Variants in SCARB1 observed in about 807,000 individuals in gnomAD.
SCARB1 encodes the protein scavenger receptor class B member 1.
SCARB1 carries 30 observed loss-of-function variants against 57.2 expected under a neutral mutation model. That is an observed-to-expected ratio of 0.52 (90% CI 0.39 to 0.71). SCARB1 has a LOEUF of 0.71. Among genes scored for constraint, SCARB1 ranks in the 30% least tolerant of loss-of-function variants. The probability of loss-of-function intolerance (pLI) is 0.00; values close to 1 mark genes in which losing one functional copy is unlikely to be tolerated. For synonymous variants in SCARB1, 249 were observed against 268.3 expected, an observed-to-expected ratio of 0.93 and a Z score of 0.70; for missense variants, 543 against 671.2, an observed-to-expected ratio of 0.81 and a Z score of 2.11.
chr12:124,853,222 G>A (rs1167836746), intron 1 of SCARB1, among the ~76,000 whole-genome samples: 1 of 152,188 alleles, frequency 6.6e-6, no homozygotes, highest in African/African-American at 2.4e-5. Flanking sequence ...CCCTGAGGCA[G>A]GACAGCATGT....
chr12:124,810,039 AT>A lies in SCARB1; in HGVS notation c.842+134del. On this transcript the variant is annotated intron_variant, in intron 6 of 12. Coordinates refer to ENST00000261693, the MANE Select transcript of SCARB1 (RefSeq NM_005505.5). The surrounding 1 kb of genome is among the most constrained non-coding windows in gnomAD (Gnocchi z 4.0). The stretch of plus-strand genomic sequence containing the variant: ...GCTTTTGGTGGTGTGACCAAAGAGA[AT>A]TCAAGCTGGTGCCAAGGGCTACTGA... 2 of 689,272 alleles carry A rather than the reference AT, an allele frequency of 2.9e-6. No homozygotes were observed. The highest frequency in any genetic ancestry group is 5.3e-6 in the Non-Finnish European group (2 of 378,958). The allele number at this position is 689,272 out of a possible 1,614,324, so 42.7% of individuals were successfully genotyped here. A position where few individuals can be genotyped will look rare whatever the true frequency, so the allele number is the denominator to read the frequency against.
rs372960506 is a variant in SCARB1 at position 124,811,860 on chromosome 12, C to A, written c.726+10G>T. 10 of 1,602,820 alleles carry A rather than the reference C, an allele frequency of 6.2e-6. No homozygotes were observed. Among genetic ancestry groups the A allele is most frequent in the Non-Finnish European group, 8.5e-6 (10 of 1,173,170 alleles). ...CCTGGCGACAGGGGCCCTCGCCTCT[C>A]GCCCCTCACCTTGCTCAGCCCGTTC... On this transcript the variant is annotated intron_variant, in intron 5 of 12. Transcript: ENST00000261693.
chr12:124,817,301 T>C lies in SCARB1; in HGVS notation c.284+249A>G, dbSNP rs1480245308. ...TTGAGAGGCTGAGGCGGAGGATCGC[T>C]TGAGCCCAGGACTTCAAAACCAGCC... On this transcript the variant is annotated intron_variant, in intron 2 of 12. Transcript: ENST00000261693. The surrounding 1 kb of genome is among the most constrained non-coding windows in gnomAD (Gnocchi z 4.8). Among the ~76,000 whole-genome samples, 1 of 144,490 alleles carries C rather than the reference T, an allele frequency of 6.9e-6. No individual in the cohort carries two copies. Among genetic ancestry groups the C allele is most frequent in the African/African-American group, 2.6e-5 (1 of 38,666 alleles). 94.8% of individuals were successfully genotyped at this position (144,490 alleles called of 152,430 possible).
intron 1 of SCARB1, among the ~76,000 whole-genome samples, chr12:124,852,213 C>A (rs1414538494): frequency 6.6e-6 from 1 of 152,192 alleles, no homozygotes; most frequent in African/African-American, 2.4e-5. Context: ...GGCTACTCCA[C>A]CTTCATGCTG....
At chr12:124,859,620 G>A (rs1380451071) in intron 1 of SCARB1, among the ~76,000 whole-genome samples, 1 of 152,152 alleles carries the variant, frequency 6.6e-6, no homozygotes, top group Non-Finnish European at 1.5e-5. Context: ...CATTAGAGTA[G>A]CCACTTCTGT....
At chr12:124,816,703 C>T (rs570497790) in intron 2 of SCARB1, among the ~76,000 whole-genome samples, 20 of 152,076 alleles carry the variant, frequency 1.3e-4, no homozygotes, top group African/African-American at 4.3e-4. Context: ...GCTGTGAAAA[C>T]GCCAGGAGGT....
At chr12:124,786,995 A>T (rs1445545838) in intron 10 of SCARB1, among the ~76,000 whole-genome samples, 1 of 152,202 alleles carries the variant, frequency 6.6e-6, no homozygotes. Flanking sequence ...TACAGTAAAT[A>T]AAATAAAATA....
chr12:124,838,775 C>CTT (rs1174317110), intron 1 of SCARB1, among the ~76,000 whole-genome samples: 63,435 of 116,950 alleles, frequency 0.54, 19,684 homozygotes, highest in South Asian at 0.66. Context: ...CCAACTTAGC[C>CTT]TTTTTTTTTT....
At chr12:124,801,292 G>A (rs1950120668) in intron 7 of SCARB1, among the ~76,000 whole-genome samples, 1 of 152,118 alleles carries the variant, frequency 6.6e-6, no homozygotes. Context: ...GGGGCTGGGG[G>A]AGGGGGCGGG....
At position 124,778,516 on chromosome 12, in the gene SCARB1, G is replaced by C. The variant is rs778984496; in HGVS notation, c.*71C>G. ...TCCGCTGGGAGAGTCCGGGAGAAGCGGGGTGTAGGGGCTGGGGGGCCGGTC... is the reference window on the plus strand; with the variant it reads ...TCCGCTGGGAGAGTCCGGGAGAAGCCGGGTGTAGGGGCTGGGGGGCCGGTC... On this transcript the variant is annotated 3_prime_UTR_variant, in exon 13 of 13. Transcript: ENST00000261693. 1 of 1,365,280 alleles carries C rather than the reference G, an allele frequency of 7.3e-7. No homozygotes were observed. The highest frequency in any genetic ancestry group is 9.5e-7 in the Non-Finnish European group (1 of 1,057,782). The allele number at this position is 1,365,280 out of a possible 1,614,324, so 84.6% of individuals were successfully genotyped here.
At chr12:124,839,408 C>T (rs992161208) in intron 1 of SCARB1, among the ~76,000 whole-genome samples, 3 of 152,200 alleles carry the variant, frequency 2.0e-5, no homozygotes, top group Non-Finnish European at 2.9e-5. Context: ...AGGCTGAATC[C>T]TATTCCAACG....
intron 1 of SCARB1, among the ~76,000 whole-genome samples, chr12:124,835,508 C>A (rs1018971779): frequency 6.6e-6 from 1 of 152,076 alleles, no homozygotes; most frequent in African/African-American, 2.4e-5. Context: ...TGGCCTAAAC[C>A]AATTCTCCCG....
chr12:124,846,115 G>A (rs893393684), intron 1 of SCARB1, among the ~76,000 whole-genome samples: 1 of 152,168 alleles, frequency 6.6e-6, no homozygotes, highest in East Asian at 1.9e-4. Context: ...TGCAAAGAGT[G>A]GAGAATGGGC....
At chr12:124,832,634 C>T (rs1951452613) in intron 1 of SCARB1, among the ~76,000 whole-genome samples, 1 of 152,004 alleles carries the variant, frequency 6.6e-6, no homozygotes, top group Non-Finnish European at 1.5e-5. Context: ...CAGCTTCAAG[C>T]AAAAGGAAAA....
At chr12:124,821,985 C>G (rs1415794635) in intron 1 of SCARB1, among the ~76,000 whole-genome samples, 1 of 152,188 alleles carries the variant, frequency 6.6e-6, no homozygotes, top group Non-Finnish European at 1.5e-5. Flanking sequence ...GGCCCTGGAA[C>G]ACAGAGTTGG....
At chr12:124,847,584 T>C (rs1443305465) in intron 1 of SCARB1, among the ~76,000 whole-genome samples, 1 of 152,132 alleles carries the variant, frequency 6.6e-6, no homozygotes, top group Non-Finnish European at 1.5e-5. Context: ...GAGTCAGGGA[T>C]CAGATCCGCC....
At chr12:124,821,398 T>C in intron 1 of SCARB1, 2 of 985,362 alleles carry the variant, frequency 2.0e-6, no homozygotes, top group Non-Finnish European at 2.4e-6. Context: ...CCTCCTCCCC[T>C]GGCCGCTTGG....
intron 7 of SCARB1, among the ~76,000 whole-genome samples, chr12:124,806,122 C>T (rs1463220914): frequency 1.3e-5 from 2 of 152,040 alleles, no homozygotes; most frequent in Non-Finnish European, 2.9e-5. Flanking sequence ...GATGGTAAGG[C>T]GGCAACACTG....
chr12:124,861,592 C>G (rs1028267753), intron 1 of SCARB1, among the ~76,000 whole-genome samples: 1 of 152,238 alleles, frequency 6.6e-6, no homozygotes, highest in African/African-American at 2.4e-5. Flanking sequence ...CCCGCCTGGT[C>G]CCCTGAACAC....
Sources: gnomAD v4.1 joint callset for allele counts (sites outside exome capture counted in the v4.1 genomes callset) on GRCh38, gnomAD v4.1.1 for gene constraint, Gnocchi (gnomAD v3.1) non-coding constraint, MANE v1.5 for transcripts, NCBI Gene and HGNC (gene_info 2026-07-23, HGNC 2026-07-21) for gene names.